The following SLC8B1 variants were observed in gnomAD, a reference collection of about 807,000 sequenced individuals.
SLC8B1 encodes the protein solute carrier family 8 member B1, also known as mitochondrial sodium/calcium exchanger protein.
Under a neutral mutation model 63.4 loss-of-function variants are expected in SLC8B1, and 52 were observed. The observed-to-expected ratio is 0.82, with a 90% CI of 0.66 to 1.03. The LOEUF (loss-of-function observed/expected upper bound fraction) is 1.03, where lower values mean the gene tolerates loss of function less well. Among genes scored for constraint, SLC8B1 ranks in the 50% least tolerant of loss-of-function variants. The pLI is 0.00. For missense variants in SLC8B1, 657 were observed against 741.7 expected (o/e 0.89, Z 1.33); for synonymous variants, 336 against 323.9 (o/e 1.04, Z -0.40).
At chr12:113,310,083 C>A (rs1053381274) in intron 12 of SLC8B1, 151 bp downstream of exon 12, 15 of 981,176 alleles carry the variant, frequency 1.5e-5, no homozygotes, top group African/African-American at 6.6e-5. Context: ...TAGATACAAA[C>A]ACTCTCAAAA....
chr12:113,320,989 G>T lies in SLC8B1; in HGVS notation c.362+67C>A. On this transcript the variant is annotated intron_variant, in intron 4 of 15. Coordinates refer to ENST00000680972, the MANE Select transcript of SLC8B1 (RefSeq NM_001358345.2). This position sits in a 1 kb window ranked among gnomAD's most constrained non-coding sequence, Gnocchi z 5.3. ...TCCTTCCCCCAAACTGAGGGTGACC[G>T]AATGTCAGCCTCCTGGGACCCCTCC... 2 of 1,591,394 alleles carry T rather than the reference G, an allele frequency of 1.3e-6. No individual in the cohort carries two copies. The highest frequency in any genetic ancestry group is 2.3e-5 in the South Asian group (2 of 88,332).
chr12:113,319,898 T>C (rs1338542345), intron 7 of SLC8B1: 2 of 170,690 alleles, frequency 1.2e-5, no homozygotes, highest in South Asian at 2.8e-4. Context: ...CAAGGGATCC[T>C]CCTGCCGTAG....
chr12:113,321,386 A>G (rs528862402), intron 2 of SLC8B1, 38 bp from the exon 3 acceptor site: 1 of 1,613,798 alleles, frequency 6.2e-7, no homozygotes, highest in South Asian at 1.1e-5. Flanking sequence ...AGCGGCAGAG[A>G]CTTCCCTGAG....
rs1302091111 is a variant in SLC8B1 at position 113,305,739 on chromosome 12, C to T, written c.1492+756G>A. Among the ~76,000 whole-genome samples the T allele has an allele frequency of 6.6e-6, 1 of 152,098 alleles. No individual in the cohort carries two copies. Among genetic ancestry groups the T allele is most frequent in the African/African-American group, 2.4e-5 (1 of 41,412 alleles). ...CAGCAGAGTTGAGTAGCTGCAAAAC[C>T]GCCTGCATGGCCCCCAAAGTCTAAA... On this transcript the variant is annotated intron_variant, in intron 14 of 15. Transcript: ENST00000680972. The surrounding 1 kb of genome is among the most constrained non-coding windows in gnomAD (Gnocchi z 4.3).
In SLC8B1 at chr12:113,299,803, C is replaced by T; in HGVS notation, c.1729G>A (p.Gly577Arg). ...FLVVALLTEF[G>R]VIHLKSM The stretch of plus-strand genomic sequence containing the variant: ...CACATGCTTTTCAGGTGAATCACTC[C>T]AAATTCAGTGAGGAGGGCCACGACA... Residue 577 changes from glycine (G) to arginine (R), a missense_variant, in exon 16 of 16, where the codon GGA becomes AGA. Transcript: ENST00000680972. 6.2e-7 allele frequency: 1 copy of T among 1,614,194 alleles called. No homozygotes were observed. The highest frequency in any genetic ancestry group is 8.5e-7 in the Non-Finnish European group (1 of 1,180,046).
At position 113,299,687 on chromosome 12, in the gene SLC8B1, C is replaced by T; in HGVS notation, c.*90G>A. On this transcript the variant is annotated 3_prime_UTR_variant, in exon 16 of 16. Transcript: ENST00000680972. ...GCCGCACTCTCGTGCCCACAAGGGC[C>T]TTGCAGAAATGCTCCGGTCCCTGGG... 1 of 1,333,536 alleles carries T rather than the reference C, an allele frequency of 7.5e-7. No individual in the cohort carries two copies. The highest frequency in any genetic ancestry group is 1.1e-6 in the Non-Finnish European group (1 of 933,588). The allele number at this position is 1,333,536 out of a possible 1,614,324, so 82.6% of individuals were successfully genotyped here.
In SLC8B1 at chr12:113,304,365, GC is replaced by G; in HGVS notation, c.1512del (p.Leu505TrpfsTer14). 6.2e-7 allele frequency: 1 copy of G among 1,614,000 alleles called. No individual in the cohort carries two copies. Among genetic ancestry groups the G allele is most frequent in the Non-Finnish European group, 8.5e-7 (1 of 1,179,944 alleles). On this transcript the variant is annotated frameshift_variant, in exon 15 of 16. Transcript: ENST00000680972. LOFTEE classifies it high-confidence loss of function. ...CGGGAGATCTGGAGCAGGCAGCCCA[GC>G]CCCACACCCACGAGGATGTCTGCAG... Reference protein sequence around the residue: ...GIIFNILVGVGLGCLLQISRS... With the variant: ...GIIFNILVGVXLGCLLQISRS...
chr12:113,305,933 C>A lies in SLC8B1; in HGVS notation c.1492+562G>T, dbSNP rs949537834. Among the ~76,000 whole-genome samples the A allele has an allele frequency of 6.6e-6, 1 of 151,776 alleles. No individual in the cohort carries two copies. Among genetic ancestry groups the A allele is most frequent in the Non-Finnish European group, 1.5e-5 (1 of 67,952 alleles). On this transcript the variant is annotated intron_variant, in intron 14 of 15. Transcript: ENST00000680972. The surrounding 1 kb of genome is among the most constrained non-coding windows in gnomAD (Gnocchi z 4.3). ...AATTAGCTGGGCGTGGTCGTGGGCG[C>A]CTGTAGTCCCAGCTACTCAGAAGAC...
intron 2 of SLC8B1, among the ~76,000 whole-genome samples, chr12:113,327,246 T>C (rs1009510490): frequency 2.0e-5 from 3 of 152,112 alleles, no homozygotes; most frequent in Non-Finnish European, 1.5e-5. Flanking sequence ...AATAATCATA[T>C]TGGGAGGCAG....
chr12:113,310,184 G>GA (rs1956736680), intron 12 of SLC8B1, 50 bp downstream of exon 12: 1 of 1,593,742 alleles, frequency 6.3e-7, no homozygotes, highest in African/African-American at 1.3e-5. Flanking sequence ...ATCTGTGTGG[G>GA]AGACATCAGC....
chr12:113,316,467 C>T (rs1027656901), intron 10 of SLC8B1, 59 bp downstream of exon 10: 106 of 1,585,634 alleles, frequency 6.7e-5, no homozygotes, highest in Middle Eastern at 1.7e-4. Context: ...GAGAGGGTAG[C>T]GTGGCCACTG....
Position 113,307,805 on chromosome 12 carries a change from T to C in SLC8B1, c.1297A>G (p.Ile433Val). 6.2e-7 allele frequency: 1 copy of C among 1,613,426 alleles called. No homozygotes were observed. Among genetic ancestry groups the C allele is most frequent in the Non-Finnish European group, 8.5e-7 (1 of 1,180,000 alleles). ...FLGFLTSALW[I>V]NAAATEVVNI... Reference sequence around the variant, plus strand: ...ACCACCTCTGTGGCGGCCGCGTTGATCCACAGGGCGCTGGTCAGAAAGCCC... The same window carrying C: ...ACCACCTCTGTGGCGGCCGCGTTGACCCACAGGGCGCTGGTCAGAAAGCCC... Residue 433 changes from isoleucine to valine, a missense_variant, in exon 13 of 16, where the codon ATC becomes GTC. By Grantham distance (29) the Ile-to-Val change is conservative (BLOSUM62 3). Transcript: ENST00000680972.
At chr12:113,328,089 G>C (rs1957017382) in intron 2 of SLC8B1, among the ~76,000 whole-genome samples, 1 of 151,876 alleles carries the variant, frequency 6.6e-6, no homozygotes, top group African/African-American at 2.4e-5. Context: ...CTGGAGTGCA[G>C]TGGCGTGATC....
Position 113,306,501 on chromosome 12 carries a change from T to C in SLC8B1, c.1486A>G (p.Ile496Val), listed in dbSNP as rs762804704. The C allele has an allele frequency of 1.9e-6, 3 of 1,612,204 alleles. No homozygotes were observed. Among genetic ancestry groups the C allele is most frequent in the Non-Finnish European group, 2.5e-6 (3 of 1,179,078 alleles). Residue 496 changes from isoleucine (I) to valine (V), a missense_variant, in exon 14 of 16, where the codon ATC (isoleucine) becomes GTC (valine). Transcript: ENST00000680972. ...MAFSACFGGIIFNILVGVGLG... is the reference protein window; with the variant it reads ...MAFSACFGGIVFNILVGVGLG... ...AACAGACCACAAAGGATACTGAAGA[T>C]GATGCCGCCAAAGCAGGCGGAGAAC...
At chr12:113,312,901 C>CT (rs936736773) in intron 11 of SLC8B1, among the ~76,000 whole-genome samples, 3 of 149,874 alleles carry the variant, frequency 2.0e-5, no homozygotes, top group East Asian at 3.9e-4. Context: ...AGGTGGTTTA[C>CT]TTTTTTTTTT....
intron 2 of SLC8B1, among the ~76,000 whole-genome samples, chr12:113,324,107 T>A (rs374362369): frequency 6.6e-6 from 1 of 150,446 alleles, no homozygotes; most frequent in African/African-American, 2.5e-5. Flanking sequence ...AGCCCAGGAG[T>A]TTGAGACCAA....
At chr12:113,325,318 A>G (rs1197166395) in intron 2 of SLC8B1, among the ~76,000 whole-genome samples, 1 of 152,202 alleles carries the variant, frequency 6.6e-6, no homozygotes, top group East Asian at 1.9e-4. Flanking sequence ...CAGTGGGGCA[A>G]TCATGGCTCA....
intron 2 of SLC8B1, among the ~76,000 whole-genome samples, chr12:113,331,386 G>GAA (rs752575330): frequency 2.1e-4 from 18 of 85,794 alleles, no homozygotes; most frequent in Non-Finnish European, 2.1e-4. Context: ...GACTGTTCTC[G>GAA]AAAAAAAAAA....
chr12:113,331,517 C>A (rs1593263978), intron 2 of SLC8B1, among the ~76,000 whole-genome samples: 1 of 152,092 alleles, frequency 6.6e-6, no homozygotes, highest in African/African-American at 2.4e-5. Flanking sequence ...TGTGGAAAGA[C>A]TAGACTGGCT....
Sources: gnomAD v4.1 joint callset for allele counts (sites outside exome capture counted in the v4.1 genomes callset) on GRCh38, gnomAD v4.1.1 for gene constraint, Gnocchi (gnomAD v3.1) non-coding constraint, MANE v1.5 for transcripts, NCBI Gene and HGNC (gene_info 2026-07-23, HGNC 2026-07-21) for gene names.